Variants in TMX3 observed in about 807,000 individuals in gnomAD.
TMX3 encodes the protein thioredoxin related transmembrane protein 3, also known as protein disulfide-isomerase TMX3.
A neutral mutation model predicts 64.4 loss-of-function variants in TMX3; 40 were observed. The ratio of observed to expected loss-of-function variants is 0.62; its 90% CI spans 0.48 to 0.81. The LOEUF is 0.81. Ranked by LOEUF, TMX3 falls within the 30% of genes least tolerant of loss-of-function variation. TMX3 has a pLI of 0.00. For synonymous variants in TMX3, 189 were observed against 175.7 expected, an observed-to-expected ratio of 1.08 and a Z score of -0.60; for missense variants, 497 against 534.5, an observed-to-expected ratio of 0.93 and a Z score of 0.69.
intron 10 of TMX3, among the ~76,000 whole-genome samples, chr18:68,684,709 C>T (rs1300131348): frequency 6.6e-6 from 1 of 152,076 alleles, no homozygotes; most frequent in Non-Finnish European, 1.5e-5. Flanking sequence ...CGTCCCACCC[C>T]AAAATATAAA....
At chr18:68,710,200 C>A in intron 3 of TMX3, 56 bp from the exon 4 acceptor site, 1 of 1,396,478 alleles carries the variant, frequency 7.2e-7, no homozygotes, top group East Asian at 2.7e-5. Flanking sequence ...AAATGTTGTG[C>A]TACAGTAAAT....
At chr18:68,680,875 C>T (rs766395838) in intron 14 of TMX3, 106 bp downstream of exon 14, 7 of 1,159,522 alleles carry the variant, frequency 6.0e-6, no homozygotes, top group South Asian at 4.2e-5. Context: ...CCCTCTACTC[C>T]GGGTGATGGC....
In TMX3 at chr18:68,677,080, T is replaced by C. The variant is rs180866807; in HGVS notation, c.1218A>G (p.Ile406Met). 6.2e-7 allele frequency: 1 copy of C among 1,613,858 alleles called. No individual in the cohort carries two copies. The highest frequency in any genetic ancestry group is 2.2e-5 in the East Asian group (1 of 44,876). ...IYTADTDGGY[I>M]EERYEVSKSE... is the part of the protein sequence containing the mutation. Reference sequence around the variant, plus strand: ...TTTTAGACACTTCATATCGTTCTTCTATATAACCTCCATCTGTGTCGGCTG... The same window carrying C: ...TTTTAGACACTTCATATCGTTCTTCCATATAACCTCCATCTGTGTCGGCTG... Residue 406 changes from isoleucine to methionine, a missense_variant, in exon 16 of 16, where the codon ATA (isoleucine) becomes ATG (methionine). Ile to Met is a conservative substitution (Grantham distance 10). Around this residue, in one of 3 missense-constraint regions of TMX3, gnomAD observed 94 missense variants for 75.8 expected, o/e 1.24. Transcript: ENST00000299608.
intron 4 of TMX3, 26 bp from the exon 5 acceptor site, chr18:68,701,816 T>C: frequency 6.3e-7 from 1 of 1,597,382 alleles, no homozygotes; most frequent in Non-Finnish European, 8.5e-7. Flanking sequence ...AATAAAGCAT[T>C]CTAAATTTTT....
At chr18:68,677,542 G>A (rs1913040350) in intron 15 of TMX3, among the ~76,000 whole-genome samples, 2 of 152,076 alleles carry the variant, frequency 1.3e-5, no homozygotes, top group South Asian at 4.1e-4. Flanking sequence ...GTTGCTTCCT[G>A]AACCACAGGA....
chr18:68,675,168 T>C lies in TMX3; in HGVS notation c.*1765A>G, dbSNP rs1912823069. The C allele has an allele frequency of 6.6e-6, 1 of 152,152 alleles. No individual in the cohort carries two copies. Among genetic ancestry groups the C allele is most frequent in the Non-Finnish European group, 1.5e-5 (1 of 68,006 alleles). 9.4% of individuals were successfully genotyped at this position (152,152 alleles called of 1,614,324 possible). A position where few individuals can be genotyped will look rare whatever the true frequency, so the allele number is the denominator to read the frequency against. On this transcript the variant is annotated 3_prime_UTR_variant, in exon 16 of 16. Coordinates refer to ENST00000299608, the MANE Select transcript of TMX3 (RefSeq NM_019022.5). ...CGTACTCATCTAAGCTTTTCACTACTGCAAAACAAGCTTGACTATTGGGAA... is the reference window on the plus strand; with the variant it reads ...CGTACTCATCTAAGCTTTTCACTACCGCAAAACAAGCTTGACTATTGGGAA...
intron 15 of TMX3, among the ~76,000 whole-genome samples, chr18:68,678,585 A>G (rs1240107987): frequency 6.6e-6 from 1 of 152,162 alleles, no homozygotes; most frequent in Non-Finnish European, 1.5e-5. Context: ...AATCCAGGGG[A>G]AATACAACAG....
intron 4 of TMX3, among the ~76,000 whole-genome samples, chr18:68,704,001 C>A (rs970545437): frequency 6.6e-6 from 1 of 151,808 alleles, no homozygotes; most frequent in African/African-American, 2.4e-5. Context: ...ACATAATGAC[C>A]CCAGTTAGGA....
chr18:68,693,608 G>A (rs1242487179), intron 8 of TMX3, among the ~76,000 whole-genome samples: 1 of 152,176 alleles, frequency 6.6e-6, no homozygotes, highest in African/African-American at 2.4e-5. Flanking sequence ...TCCCAACAGT[G>A]CCTGGGCTTC....
rs983321873 is a variant in TMX3, at chr18:68,673,994, C to T, written c.*2939G>A. On this transcript the variant is annotated 3_prime_UTR_variant, in exon 16 of 16. Transcript: ENST00000299608. ...ATTTTTCCCTGTCCTAACTCCATGTCGTATGAAGCAATGATGAAAATATGT... is the reference window on the plus strand; with the variant it reads ...ATTTTTCCCTGTCCTAACTCCATGTTGTATGAAGCAATGATGAAAATATGT... 6.6e-6 allele frequency: 1 copy of T among 151,512 alleles called. No individual in the cohort carries two copies. The highest frequency in any genetic ancestry group is 1.5e-5 in the Non-Finnish European group (1 of 67,974). 9.4% of individuals were successfully genotyped at this position (151,512 alleles called of 1,614,324 possible). A position where few individuals can be genotyped will look rare whatever the true frequency, so the allele number is the denominator to read the frequency against.
intron 5 of TMX3, 66 bp downstream of exon 5, chr18:68,701,679 C>T (rs140846126): frequency 1.9e-5 from 30 of 1,602,380 alleles, no homozygotes; most frequent in East Asian, 1.6e-4. Flanking sequence ...TAGAAATTAA[C>T]GTAATAAAAT....
intron 10 of TMX3, among the ~76,000 whole-genome samples, chr18:68,684,809 C>G (rs1343363079): frequency 6.6e-6 from 1 of 152,070 alleles, no homozygotes; most frequent in Non-Finnish European, 1.5e-5. Context: ...TTACACCCTA[C>G]AAATTGGCTA....
intron 9 of TMX3, chr18:68,688,336 C>T (rs897454922): frequency 6.6e-6 from 1 of 152,142 alleles, no homozygotes; most frequent in Non-Finnish European, 1.5e-5. Context: ...CTCAAAGGTA[C>T]AACTAACACA....
chr18:68,675,954 T>C lies in TMX3; in HGVS notation c.*979A>G, dbSNP rs552608273. On this transcript the variant is annotated 3_prime_UTR_variant, in exon 16 of 16. Coordinates refer to ENST00000299608, the MANE Select transcript of TMX3 (RefSeq NM_019022.5). Reference sequence around the variant, plus strand: ...GCAGACACGGACAGGTCTACAGCATTACATAATAGATGTGTCAATAAACTG... The same window carrying C: ...GCAGACACGGACAGGTCTACAGCATCACATAATAGATGTGTCAATAAACTG... The C allele has an allele frequency of 2.0e-5, 3 of 152,184 alleles. No homozygotes were observed. The highest frequency in any genetic ancestry group is 4.4e-5 in the Non-Finnish European group (3 of 68,026). 9.4% of individuals were successfully genotyped at this position (152,184 alleles called of 1,614,324 possible).
Position 68,677,016 on chromosome 18 carries a change from C to A in TMX3, c.1282G>T (p.Glu428Ter). The change falls in exon 16 of 16, where the codon GAA becomes TAA. Residue 428 changes from glutamate to a stop codon, truncating the protein, a stop_gained. Transcript: ENST00000299608. LOFTEE classifies it low-confidence loss of function (END_TRUNC). ...CCTCCACTGCTGGGCTCCTGCTGTT[C>A]TTTGCTCTCTTCTATCTGTTCTTGG... ...ENQEQIEESK[E>*]QQEPSSGGSV... 1.2e-6 allele frequency: 2 copies of A among 1,613,832 alleles called. No individual in the cohort carries two copies. Among genetic ancestry groups the A allele is most frequent in the South Asian group, 2.2e-5 (2 of 91,074 alleles).
At chr18:68,679,565 A>G (rs1378325060) in intron 14 of TMX3, 34 bp from the exon 15 acceptor site, 2 of 1,579,536 alleles carry the variant, frequency 1.3e-6, no homozygotes, top group Non-Finnish European at 1.7e-6. Context: ...AAATTATTTA[A>G]GCACCATTAC....
chr18:68,705,797 AAC>A (rs1408080974), intron 4 of TMX3, among the ~76,000 whole-genome samples: 1 of 152,228 alleles, frequency 6.6e-6, no homozygotes, highest in Non-Finnish European at 1.5e-5. Flanking sequence ...TACAATTCCA[AAC>A]ACAGACTAGA....
intron 5 of TMX3, chr18:68,700,987 C>A (rs984238343): frequency 4.1e-6 from 4 of 985,006 alleles, no homozygotes; most frequent in Admixed American, 6.2e-5. Context: ...AAAAGCCAAC[C>A]AATGAATTAA....
chr18:68,692,382 CGT>C (rs1016361016), intron 8 of TMX3, among the ~76,000 whole-genome samples: 4 of 152,182 alleles, frequency 2.6e-5, no homozygotes, highest in East Asian at 1.9e-4. Flanking sequence ...CTTCCTCTCC[CGT>C]GTGTTTTTTT....
Sources: gnomAD v4.1 joint callset for allele counts (sites outside exome capture counted in the v4.1 genomes callset) on GRCh38, gnomAD v4.1.1 for gene constraint, gnomAD v4.1.1 regional missense constraint, MANE v1.5 for transcripts, NCBI Gene and HGNC (gene_info 2026-07-23, HGNC 2026-07-21) for gene names.